Variants in ADGRB3 observed in about 807,000 individuals in gnomAD.
ADGRB3 encodes adhesion G protein-coupled receptor B3.
A neutral mutation model predicts 193.4 loss-of-function variants in ADGRB3; 37 were observed. The observed-to-expected ratio is 0.19, with a 90% CI of 0.15 to 0.25. The LOEUF (loss-of-function observed/expected upper bound fraction) is 0.25. Ranked by LOEUF, ADGRB3 falls within the 10% of genes least tolerant of loss-of-function variation. ADGRB3 has a pLI of 1.00. For synonymous variants in ADGRB3, 690 were observed against 644.2 expected (o/e 1.07, Z -1.08); for missense variants, 1,637 against 1,852.9 (o/e 0.88, Z 2.14).
intron 15 of ADGRB3, 134 bp downstream of exon 15, chr6:69,049,480 A>G (rs763158697): frequency 2.3e-5 from 14 of 615,426 alleles, no homozygotes; most frequent in Non-Finnish European, 3.2e-5. Flanking sequence ...AGAAAATACA[A>G]ATTTAATGAA....
At chr6:68,745,961 C>G (rs1280296537) in intron 3 of ADGRB3, among the ~76,000 whole-genome samples, 1 of 151,906 alleles carries the variant, frequency 6.6e-6, no homozygotes, top group Non-Finnish European at 1.5e-5. Flanking sequence ...ACACTGTTTC[C>G]TATTATTTTA....
At chr6:69,200,100 T>C (rs1266061982) in intron 17 of ADGRB3, among the ~76,000 whole-genome samples, 2 of 151,904 alleles carry the variant, frequency 1.3e-5, no homozygotes, top group Non-Finnish European at 2.9e-5. Flanking sequence ...TGTATGTTTT[T>C]GTTATTTTTA....
At chr6:68,960,559 A>T (rs1178567643) in intron 8 of ADGRB3, among the ~76,000 whole-genome samples, 1 of 152,152 alleles carries the variant, frequency 6.6e-6, no homozygotes, top group African/African-American at 2.4e-5. Flanking sequence ...TTATTTGTAT[A>T]AGGTTGCTCT....
chr6:69,032,907 T>C (rs1468091933), intron 13 of ADGRB3, among the ~76,000 whole-genome samples: 1 of 152,104 alleles, frequency 6.6e-6, no homozygotes, highest in Non-Finnish European at 1.5e-5. Context: ...AAAGGTAACA[T>C]ATATTTAGCA....
intron 3 of ADGRB3, among the ~76,000 whole-genome samples, chr6:68,708,402 C>T (rs558442405): frequency 3.3e-5 from 5 of 152,288 alleles, no homozygotes; most frequent in Admixed American, 6.5e-5. Context: ...GTGCCTCCCA[C>T]TGTGCCCAGT....
At chr6:68,861,884 TG>T (rs1268973799) in intron 3 of ADGRB3, among the ~76,000 whole-genome samples, 1 of 152,192 alleles carries the variant, frequency 6.6e-6, no homozygotes, top group Non-Finnish European at 1.5e-5. Flanking sequence ...GAGAATTAAA[TG>T]GGGGTAATAT....
At chr6:68,918,289 G>A (rs149210814) in intron 3 of ADGRB3, among the ~76,000 whole-genome samples, 17 of 152,208 alleles carry the variant, frequency 1.1e-4, no homozygotes, top group South Asian at 2.1e-4. Context: ...AAGAGATGCC[G>A]TCCCTAACCC....
intron 3 of ADGRB3, among the ~76,000 whole-genome samples, chr6:68,777,192 G>C (rs1766763700): frequency 6.6e-6 from 1 of 152,110 alleles, no homozygotes; most frequent in African/African-American, 2.4e-5. Flanking sequence ...TAGCATGTAA[G>C]TGTGTGTTCT....
At chr6:68,870,021 C>T (rs1051309482) in intron 3 of ADGRB3, among the ~76,000 whole-genome samples, 6 of 152,138 alleles carry the variant, frequency 3.9e-5, no homozygotes, top group African/African-American at 1.2e-4. Context: ...TCAAGTAGTC[C>T]GCCTGCCTTG....
chr6:68,880,569 T>C (rs552735784), intron 3 of ADGRB3, among the ~76,000 whole-genome samples: 1 of 152,296 alleles, frequency 6.6e-6, no homozygotes, highest in South Asian at 2.1e-4. Flanking sequence ...CCTGAGGGAC[T>C]CCTGAAGCTA....
At chr6:68,928,492 A>T (rs1288750143) in intron 3 of ADGRB3, among the ~76,000 whole-genome samples, 4 of 152,140 alleles carry the variant, frequency 2.6e-5, no homozygotes, top group African/African-American at 7.2e-5. Flanking sequence ...CTATGATTGC[A>T]CCACTGCACT....
intron 17 of ADGRB3, among the ~76,000 whole-genome samples, chr6:69,113,815 A>G (rs1453227597): frequency 6.6e-6 from 1 of 152,180 alleles, no homozygotes; most frequent in Non-Finnish European, 1.5e-5. Context: ...TTTCAGTATC[A>G]GATAATTGAA....
chr6:68,866,948 A>G (rs530260804), intron 3 of ADGRB3, among the ~76,000 whole-genome samples: 18 of 152,356 alleles, frequency 1.2e-4, no homozygotes, highest in African/African-American at 4.3e-4. Context: ...ATGGTCTGAA[A>G]TTGGAACTTA....
intron 3 of ADGRB3, among the ~76,000 whole-genome samples, chr6:68,749,463 CCTCT>C (rs1766153950): frequency 9.6e-6 from 1 of 104,510 alleles, no homozygotes; most frequent in Admixed American, 9.7e-5. Context: ...TAATTCTGTC[CCTCT>C]AAGAGAACCC....
intron 17 of ADGRB3, among the ~76,000 whole-genome samples, chr6:69,167,868 G>A (rs1249812746): frequency 1.3e-5 from 2 of 152,040 alleles, no homozygotes; most frequent in African/African-American, 4.8e-5. Flanking sequence ...GACTTGCACT[G>A]GGGTGGTTCA....
At chr6:69,308,455 G>T (rs1001526090) in intron 20 of ADGRB3, among the ~76,000 whole-genome samples, 1 of 149,064 alleles carries the variant, frequency 6.7e-6, no homozygotes, top group African/African-American at 2.6e-5. Flanking sequence ...TAATTTCAGA[G>T]CAGGGAAATC....
At chr6:69,169,792 G>A (rs1160036615) in intron 17 of ADGRB3, among the ~76,000 whole-genome samples, 2 of 152,022 alleles carry the variant, frequency 1.3e-5, no homozygotes, top group Non-Finnish European at 2.9e-5. Context: ...ATGTTTTAAT[G>A]CCCATGAACT....
chr6:69,104,186 C>A (rs138008386), intron 17 of ADGRB3, among the ~76,000 whole-genome samples: 3 of 130,398 alleles, frequency 2.3e-5, no homozygotes, highest in Non-Finnish European at 3.2e-5. Context: ...TCCCTCCCCC[C>A]TCCCCCGACC....
chr6:68,964,443 T>C (rs1010748113), intron 8 of ADGRB3, among the ~76,000 whole-genome samples: 1 of 152,160 alleles, frequency 6.6e-6, no homozygotes, highest in Non-Finnish European at 1.5e-5. Context: ...CTTCTCCCAG[T>C]GTGCCTCCAA....
Sources: allele counts gnomAD v4.1 joint callset (sites outside exome capture counted in the v4.1 genomes callset), GRCh38; gene constraint gnomAD v4.1.1; transcripts MANE v1.5; gene names NCBI Gene and HGNC (gene_info 2026-07-23, HGNC 2026-07-21).